Variants in LRBA observed in about 807,000 individuals in gnomAD.
LRBA encodes lipopolysaccharide-responsive and beige-like anchor protein.
A neutral mutation model predicts 330.0 loss-of-function variants in LRBA; 176 were observed. The observed-to-expected ratio is 0.53, with a 90% CI of 0.47 to 0.60. The LOEUF is 0.60. Among genes scored for constraint, LRBA ranks in the 20% least tolerant of loss-of-function variants. LRBA has a pLI of 0.00. For synonymous variants in LRBA, 1,230 were observed against 1,193.0 expected (o/e 1.03, Z -0.64); for missense variants, 3,259 against 3,444.8 (o/e 0.95, Z 1.35).
intron 36 of LRBA, among the ~76,000 whole-genome samples, chr4:150,711,852 G>A (rs1382619659): frequency 6.6e-6 from 1 of 152,150 alleles, no homozygotes; most frequent in Non-Finnish European, 1.5e-5. Flanking sequence ...TACAGGAACA[G>A]AGGCAATAAT....
At chr4:150,633,531 T>G (rs1777585047) in intron 37 of LRBA, among the ~76,000 whole-genome samples, 1 of 152,226 alleles carries the variant, frequency 6.6e-6, no homozygotes, top group South Asian at 2.1e-4. Flanking sequence ...TTAGTCCCCT[T>G]CAATGTGAAA....
chr4:150,543,415 A>G (rs575376956), intron 40 of LRBA, among the ~76,000 whole-genome samples: 75 of 152,308 alleles, frequency 4.9e-4, no homozygotes, highest in African/African-American at 1.6e-3. Flanking sequence ...ATTTTGTTCA[A>G]ATAGGTAGTT....
At chr4:150,867,106 T>G (rs1752804826) in intron 22 of LRBA, among the ~76,000 whole-genome samples, 2 of 144,828 alleles carry the variant, frequency 1.4e-5, no homozygotes, top group South Asian at 4.2e-4. Context: ...TTACTTTGGC[T>G]TAATTTAAAA....
At chr4:150,707,085 G>C (rs1257065638) in intron 36 of LRBA, among the ~76,000 whole-genome samples, 2 of 151,676 alleles carry the variant, frequency 1.3e-5, no homozygotes, top group African/African-American at 4.8e-5. Context: ...ATAGGAATAT[G>C]TATCTCTATT....
At chr4:150,888,053 A>G (rs190213369) in intron 17 of LRBA, among the ~76,000 whole-genome samples, 222 of 152,226 alleles carry the variant, frequency 1.5e-3, no homozygotes, top group African/African-American at 5.0e-3. Flanking sequence ...TTTAACAAAG[A>G]AAGATTTCAA....
intron 37 of LRBA, among the ~76,000 whole-genome samples, chr4:150,668,706 A>C (rs1448785121): frequency 1.3e-5 from 2 of 152,248 alleles, no homozygotes; most frequent in Non-Finnish European, 2.9e-5. Context: ...TTTATAAGTT[A>C]GAAGGGAAAG....
chr4:150,430,742 G>A (rs907320086), intron 46 of LRBA, among the ~76,000 whole-genome samples: 12 of 151,542 alleles, frequency 7.9e-5, no homozygotes, highest in Admixed American at 3.3e-4. Flanking sequence ...TATTAAATTC[G>A]GGGTTTCTAA....
chr4:150,484,801 T>C (rs943424261), intron 42 of LRBA, among the ~76,000 whole-genome samples: 1 of 151,940 alleles, frequency 6.6e-6, no homozygotes, highest in African/African-American at 2.4e-5. Flanking sequence ...TAATTCTACA[T>C]TAGGCACTTC....
At chr4:150,582,745 A>G in intron 40 of LRBA, 1 of 361,036 alleles carries the variant, frequency 2.8e-6, no homozygotes, top group Non-Finnish European at 5.0e-6. Flanking sequence ...TTACATATCA[A>G]GAGAAAGCAA....
chr4:150,446,713 G>A (rs1218566002), intron 44 of LRBA, among the ~76,000 whole-genome samples: 3 of 152,124 alleles, frequency 2.0e-5, no homozygotes, highest in Admixed American at 6.5e-5. Flanking sequence ...CGAATAAAAC[G>A]GGAGCAGCCA....
intron 40 of LRBA, among the ~76,000 whole-genome samples, chr4:150,538,586 T>G (rs537889663): frequency 2.0e-5 from 3 of 151,710 alleles, no homozygotes; most frequent in Non-Finnish European, 2.9e-5. Flanking sequence ...AGTTAAACAC[T>G]GGGTACATAT....
chr4:150,563,771 A>G (rs984189784), intron 40 of LRBA, among the ~76,000 whole-genome samples: 2 of 152,088 alleles, frequency 1.3e-5, no homozygotes, highest in African/African-American at 4.8e-5. Flanking sequence ...TCATGAGAGA[A>G]CTCCCATTCA....
At chr4:150,855,925 A>G (rs1275713322) in intron 22 of LRBA, among the ~76,000 whole-genome samples, 4 of 152,214 alleles carry the variant, frequency 2.6e-5, no homozygotes, top group Non-Finnish European at 5.9e-5. Context: ...GCAGGGCTTC[A>G]GCTTATTTGA....
chr4:150,533,020 A>T (rs1764212251), intron 40 of LRBA, among the ~76,000 whole-genome samples: 2 of 152,260 alleles, frequency 1.3e-5, no homozygotes, highest in South Asian at 4.2e-4. Flanking sequence ...CCTACAGCAA[A>T]TGTTGAAAAA....
intron 40 of LRBA, among the ~76,000 whole-genome samples, chr4:150,548,814 T>G (rs890386541): frequency 5.9e-5 from 9 of 152,186 alleles, no homozygotes; most frequent in Admixed American, 1.3e-4. Context: ...TCAACAATTG[T>G]ATGAGGTAGT....
At chr4:150,584,203 T>A in intron 40 of LRBA, 3 of 1,343,358 alleles carry the variant, frequency 2.2e-6, no homozygotes, top group Non-Finnish European at 2.0e-6. Context: ...GACACAAACT[T>A]TTATGTAAGT....
Position 150,435,589 on chromosome 4 carries a change from CTTAATA to C in LRBA, c.7035_7040del (p.Asp2345_Lys2347delinsGlu). 1 of 1,605,202 alleles carries C rather than the reference CTTAATA, an allele frequency of 6.2e-7. No individual in the cohort carries two copies. The highest frequency in any genetic ancestry group is 2.2e-5 in the East Asian group (1 of 44,732). On this transcript the variant is annotated inframe_deletion and splice_region_variant, in exon 46 of 57. Coordinates refer to ENST00000651943, the MANE Select transcript of LRBA (RefSeq NM_001364905.1). ...ACTATAAAACAAAACATTTCTGTAC[CTTAATA>C]TCAGAGGTATCACGCTGACTGTTTC...
At chr4:150,307,211 T>G (rs1730467048) in intron 52 of LRBA, among the ~76,000 whole-genome samples, 1 of 151,942 alleles carries the variant, frequency 6.6e-6, no homozygotes, top group Admixed American at 6.6e-5. Flanking sequence ...TATATGACAT[T>G]CTGAAAAAGG....
In LRBA at chr4:150,897,733, A is replaced by G; in HGVS notation, c.2004+6T>C. On this transcript the variant is annotated splice_donor_region_variant and intron_variant, in intron 15 of 56. Transcript: ENST00000651943. ...GTATGCTATGGAATAAGCAACGTGA[A>G]CTCACCTTCATCACTAATTGCTTAA... The G allele has an allele frequency of 6.2e-7, 1 of 1,601,668 alleles. No individual in the cohort carries two copies. Among genetic ancestry groups the G allele is most frequent in the Non-Finnish European group, 8.6e-7 (1 of 1,169,346 alleles).
Sources: allele counts gnomAD v4.1 joint callset (sites outside exome capture counted in the v4.1 genomes callset), GRCh38; gene constraint gnomAD v4.1.1; transcripts MANE v1.5; gene names NCBI Gene and HGNC (gene_info 2026-07-23, HGNC 2026-07-21).